The following SLC25A21 variants were observed in gnomAD, a reference collection of about 807,000 sequenced individuals.
SLC25A21 encodes solute carrier family 25 member 21.
In SLC25A21, 47 loss-of-function variants were observed where a neutral mutation model predicts 43.8. The ratio of observed to expected loss-of-function variants is 1.07; its 90% CI spans 0.85 to 1.37. The LOEUF (loss-of-function observed/expected upper bound fraction) is 1.37. Among genes scored for constraint, SLC25A21 ranks in the 40% most tolerant of loss-of-function variants. SLC25A21 has a pLI of 0.00. For missense variants in SLC25A21, 352 were observed against 350.2 expected, an observed-to-expected ratio of 1.00 and a Z score of -0.04; for synonymous variants, 131 against 121.3, an observed-to-expected ratio of 1.08 and a Z score of -0.52.
At chr14:36,993,592 C>T (rs1461995776) in intron 1 of SLC25A21, among the ~76,000 whole-genome samples, 6 of 152,086 alleles carry the variant, frequency 3.9e-5, no homozygotes, top group Admixed American at 3.9e-4. Context: ...GAGGTCACTC[C>T]TGATTAACTC....
intron 2 of SLC25A21, among the ~76,000 whole-genome samples, chr14:36,856,281 C>T (rs542445175): frequency 4.6e-5 from 7 of 152,274 alleles, no homozygotes; most frequent in Admixed American, 2.0e-4. Flanking sequence ...CCAGGAACTG[C>T]GGGCTTTGTT....
At chr14:36,991,112 T>A (rs1380999776) in intron 1 of SLC25A21, among the ~76,000 whole-genome samples, 1 of 152,188 alleles carries the variant, frequency 6.6e-6, no homozygotes, top group African/African-American at 2.4e-5. Context: ...AATAGTCCAG[T>A]GGAGCATTTT....
At chr14:36,729,411 T>C in intron 5 of SLC25A21, 96 bp downstream of exon 5, 2 of 920,428 alleles carry the variant, frequency 2.2e-6, no homozygotes, top group Non-Finnish European at 3.2e-6. Flanking sequence ...ATTCATATTT[T>C]AGTAGCTGGG....
intron 1 of SLC25A21, among the ~76,000 whole-genome samples, chr14:37,000,981 T>C (rs1042794623): frequency 2.6e-5 from 4 of 152,166 alleles, no homozygotes; most frequent in African/African-American, 7.2e-5. Context: ...TTTATAGCAG[T>C]GTGAAAACAA....
chr14:37,159,924 C>T (rs1461569522), intron 1 of SLC25A21, among the ~76,000 whole-genome samples: 2 of 152,122 alleles, frequency 1.3e-5, no homozygotes, highest in African/African-American at 2.4e-5. Flanking sequence ...CACGAATAGA[C>T]ATTTCTCAAA....
At chr14:37,006,786 G>A (rs2138732599) in intron 1 of SLC25A21, among the ~76,000 whole-genome samples, 1 of 152,150 alleles carries the variant, frequency 6.6e-6, no homozygotes, top group Non-Finnish European at 1.5e-5. Context: ...TGTCATATCT[G>A]ATAAGTGATG....
At chr14:37,013,387 T>C (rs1378887827) in intron 1 of SLC25A21, among the ~76,000 whole-genome samples, 1 of 152,194 alleles carries the variant, frequency 6.6e-6, no homozygotes, top group African/African-American at 2.4e-5. Flanking sequence ...ATGACTATTG[T>C]AGCAGCCTGC....
chr14:37,171,112 GGGGGAGGGGA>G (rs1204971184), intron 1 of SLC25A21, among the ~76,000 whole-genome samples: 1 of 93,516 alleles, frequency 1.1e-5, no homozygotes, highest in Non-Finnish European at 2.3e-5. Context: ...AAAGAAAAAG[GGGGGAGGGGA>G]GGGGAGGGGA....
chr14:37,076,550 G>C (rs575138899), intron 1 of SLC25A21, among the ~76,000 whole-genome samples: 17 of 152,012 alleles, frequency 1.1e-4, no homozygotes, highest in African/African-American at 3.6e-4. Context: ...GTGCAGTGCA[G>C]CGATCTCGGC....
intron 1 of SLC25A21, among the ~76,000 whole-genome samples, chr14:37,051,226 G>T (rs925354495): frequency 6.6e-6 from 1 of 152,160 alleles, no homozygotes; most frequent in East Asian, 1.9e-4. Context: ...AAGTATTCCA[G>T]AATTCTAAAT....
At chr14:37,055,535 A>T (rs1961805501) in intron 1 of SLC25A21, among the ~76,000 whole-genome samples, 1 of 152,240 alleles carries the variant, frequency 6.6e-6, no homozygotes, top group South Asian at 2.1e-4. Flanking sequence ...GGAGCCTTAC[A>T]GCTTCAACCT....
Position 36,783,964 on chromosome 14 carries a change from C to T in SLC25A21, c.203+29954G>A, listed in dbSNP as rs534065542. 1.7e-4 allele frequency among the ~76,000 whole-genome samples: 26 copies of T among 152,278 alleles called. No homozygotes were observed. In the South Asian group the frequency reaches 5.0e-3, roughly 29 times the overall value. On this transcript the variant is annotated intron_variant, in intron 3 of 9. Transcript: ENST00000331299. ...AGGCACACTGCCCAAACTTGTATTG[C>T]ATTTCTGAGATGAATAATTTTTTTC...
At chr14:36,987,546 T>C (rs986216221) in intron 1 of SLC25A21, among the ~76,000 whole-genome samples, 3 of 152,156 alleles carry the variant, frequency 2.0e-5, no homozygotes, top group Non-Finnish European at 4.4e-5. Context: ...TACCGTACAG[T>C]TCTGTATCAT....
intron 3 of SLC25A21, among the ~76,000 whole-genome samples, chr14:36,778,365 T>C (rs1425452988): frequency 6.6e-6 from 1 of 152,242 alleles, no homozygotes; most frequent in East Asian, 1.9e-4. Flanking sequence ...ACCACCAACC[T>C]ATAGGGTTGC....
At chr14:36,803,561 C>A (rs533197095) in intron 3 of SLC25A21, among the ~76,000 whole-genome samples, 1 of 152,268 alleles carries the variant, frequency 6.6e-6, no homozygotes, top group Admixed American at 6.5e-5. Flanking sequence ...AAACTCACAA[C>A]CTCTCTTTAA....
rs1385509908 is a variant in SLC25A21 at position 36,680,006 on chromosome 14, A to T, written c.*652T>A. On this transcript the variant is annotated 3_prime_UTR_variant, in exon 10 of 10. Coordinates refer to ENST00000331299, the MANE Select transcript of SLC25A21 (RefSeq NM_030631.4). ...CAATGTTTTAAAATACCTATTTATTATCTTACAGCAATATGAGATATAAAG... is the reference window on the plus strand; with the variant it reads ...CAATGTTTTAAAATACCTATTTATTTTCTTACAGCAATATGAGATATAAAG... The T allele has an allele frequency of 1.3e-6, 1 of 744,570 alleles. No homozygotes were observed. The highest frequency in any genetic ancestry group is 1.5e-6 in the Non-Finnish European group (1 of 669,586). 46.1% of individuals were successfully genotyped at this position (744,570 alleles called of 1,614,324 possible).
At chr14:36,859,823 A>G (rs745638937) in intron 2 of SLC25A21, among the ~76,000 whole-genome samples, 1 of 152,234 alleles carries the variant, frequency 6.6e-6, no homozygotes, top group Non-Finnish European at 1.5e-5. Flanking sequence ...GGCTCATGAT[A>G]GTAAAACAGG....
chr14:37,014,363 C>A (rs1960799347), intron 1 of SLC25A21, among the ~76,000 whole-genome samples: 1 of 152,144 alleles, frequency 6.6e-6, no homozygotes, highest in South Asian at 2.1e-4. Context: ...CCTTTGTTGT[C>A]ATTTCGACAA....
At position 36,684,818 on chromosome 14, in the gene SLC25A21, C is replaced by T; in HGVS notation, c.711G>A (p.Gly237=). 1.3e-5 allele frequency: 21 copies of T among 1,613,820 alleles called. No individual in the cohort carries two copies. Among genetic ancestry groups the T allele is most frequent in the Non-Finnish European group, 1.8e-5 (21 of 1,179,906 alleles). Residue 237 remains glycine, a synonymous_variant, in exon 8 of 10, where the codon GGG becomes GGA. Transcript: ENST00000331299. The part of the protein sequence containing the change: ...PFDVAKSRIQ[G]PQPVPGEIKY... ...TGATCTCTCCAGGAACTGGTTGAGG[C>T]CCTTGAATCCTACTTTTGGCAACAT...
Sources: gnomAD v4.1 joint callset for allele counts (sites outside exome capture counted in the v4.1 genomes callset) on GRCh38, gnomAD v4.1.1 for gene constraint, MANE v1.5 for transcripts, NCBI Gene and HGNC (gene_info 2026-07-23, HGNC 2026-07-21) for gene names.